DAAM1: variants seen among roughly 807,000 people sequenced by gnomAD.
DAAM1 encodes disheveled-associated activator of morphogenesis 1.
In DAAM1, 52 loss-of-function variants were observed where a neutral mutation model predicts 130.0. That is an observed-to-expected ratio of 0.40 (90% CI 0.32 to 0.50). DAAM1 has a LOEUF of 0.50. DAAM1 is among the 20% of genes least tolerant of loss of function. The pLI is 0.61. For synonymous variants in DAAM1, 452 were observed against 444.5 expected (o/e 1.02, Z -0.21); for missense variants, 1,134 against 1,303.8 (o/e 0.87, Z 2.01).
chr14:59,360,933 G>A, intron 22 of DAAM1, 71 bp downstream of exon 22: 1 of 1,405,850 alleles, frequency 7.1e-7, no homozygotes. Context: ...GTTTTCAGCA[G>A]ATGGGTTGTG....
chr14:59,287,826 T>C (rs1013280692), intron 2 of DAAM1, among the ~76,000 whole-genome samples: 1 of 152,174 alleles, frequency 6.6e-6, no homozygotes, highest in Admixed American at 6.6e-5. Flanking sequence ...GAATCAATAT[T>C]GTTAAAATGA....
intron 15 of DAAM1, chr14:59,338,276 C>T (rs1327008038): frequency 2.7e-6 from 3 of 1,094,496 alleles, no homozygotes; most frequent in Non-Finnish European, 4.2e-6. Flanking sequence ...CATCTCTTAC[C>T]CTACATCACT....
chr14:59,189,546 G>T (rs1887663625), intron 1 of DAAM1, among the ~76,000 whole-genome samples: 1 of 152,116 alleles, frequency 6.6e-6, no homozygotes, highest in Non-Finnish European at 1.5e-5. Context: ...AGAGCACCTG[G>T]GCTGGGGCGA....
chr14:59,226,947 G>A (rs757811541), intron 1 of DAAM1, among the ~76,000 whole-genome samples: 1 of 152,144 alleles, frequency 6.6e-6, no homozygotes, highest in Non-Finnish European at 1.5e-5. Context: ...TAGTGCCTCT[G>A]GAGTTGTACA....
At chr14:59,230,318 T>TC (rs1423482957) in intron 1 of DAAM1, among the ~76,000 whole-genome samples, 107 of 144,254 alleles carry the variant, frequency 7.4e-4, no homozygotes, top group African/African-American at 2.4e-3. Flanking sequence ...TTTTTTTTTT[T>TC]CCCCCCACAA....
intron 12 of DAAM1, among the ~76,000 whole-genome samples, chr14:59,329,947 G>T (rs762014635): frequency 8.5e-5 from 13 of 152,218 alleles, no homozygotes; most frequent in Non-Finnish European, 1.6e-4. Context: ...GTAGCCTTCT[G>T]AGGGGAGATG....
At chr14:59,260,971 G>A (rs1456415124) in intron 1 of DAAM1, among the ~76,000 whole-genome samples, 1 of 152,160 alleles carries the variant, frequency 6.6e-6, no homozygotes, top group Admixed American at 6.5e-5. Context: ...TTTTGAGGAA[G>A]TAGGAAAGAC....
intron 15 of DAAM1, among the ~76,000 whole-genome samples, chr14:59,337,883 T>C (rs1688950728): frequency 2.0e-5 from 3 of 152,148 alleles, no homozygotes; most frequent in Admixed American, 2.0e-4. Flanking sequence ...TCTCAATCCT[T>C]CCTTATAACA....
At chr14:59,285,493 T>C (rs1883404955) in intron 2 of DAAM1, among the ~76,000 whole-genome samples, 1 of 152,130 alleles carries the variant, frequency 6.6e-6, no homozygotes, top group African/African-American at 2.4e-5. Context: ...GGAGTAGCAA[T>C]TTGGATAAAG....
intron 1 of DAAM1, among the ~76,000 whole-genome samples, chr14:59,229,054 A>G (rs1242742304): frequency 2.0e-5 from 3 of 152,220 alleles, no homozygotes; most frequent in Non-Finnish European, 2.9e-5. Flanking sequence ...CTGATTAGCA[A>G]GCAAGTATTA....
At chr14:59,251,608 T>A (rs1881645648) in intron 1 of DAAM1, among the ~76,000 whole-genome samples, 1 of 152,192 alleles carries the variant, frequency 6.6e-6, no homozygotes, top group East Asian at 1.9e-4. Context: ...CATACCAACT[T>A]AATGCCTTTA....
chr14:59,252,843 T>C (rs542624638), intron 1 of DAAM1, among the ~76,000 whole-genome samples: 3 of 152,348 alleles, frequency 2.0e-5, no homozygotes, highest in South Asian at 4.1e-4. Flanking sequence ...ATTTAACCTT[T>C]AGACTATGCC....
At chr14:59,364,192 C>A (rs1458149247) in intron 23 of DAAM1, among the ~76,000 whole-genome samples, 1 of 152,186 alleles carries the variant, frequency 6.6e-6, no homozygotes, top group Non-Finnish European at 1.5e-5. Context: ...GTTACTAAAG[C>A]CATGTGCCTA....
intron 20 of DAAM1, 64 bp from the exon 21 acceptor site, chr14:59,359,333 A>G: frequency 2.6e-6 from 3 of 1,173,662 alleles, no homozygotes; most frequent in South Asian, 1.4e-5. Flanking sequence ...AACTATTCAT[A>G]TATTTATGTA....
At chr14:59,283,786 A>G (rs907013667) in intron 2 of DAAM1, among the ~76,000 whole-genome samples, 2 of 152,180 alleles carry the variant, frequency 1.3e-5, no homozygotes, top group African/African-American at 4.8e-5. Flanking sequence ...GGTGTTAACA[A>G]GATACTGTGT....
chr14:59,338,766 C>G (rs1885731387), intron 15 of DAAM1, among the ~76,000 whole-genome samples: 2 of 151,904 alleles, frequency 1.3e-5, no homozygotes, highest in South Asian at 2.1e-4. Context: ...TTTTTTCCTC[C>G]TAATTCCTGA....
intron 1 of DAAM1, among the ~76,000 whole-genome samples, chr14:59,243,822 C>G (rs1031405822): frequency 6.6e-6 from 1 of 152,090 alleles, no homozygotes; most frequent in African/African-American, 2.4e-5. Context: ...AGTAGTTAGT[C>G]CTTCATGGAA....
rs571927974 is a variant in DAAM1, at chr14:59,349,965, C to T, written c.2160+2342C>T. Among the ~76,000 whole-genome samples the T allele has an allele frequency of 3.3e-5, 5 of 152,264 alleles. No homozygotes were observed. The South Asian group carries it at 1.0e-3, about 32-fold the overall frequency. On this transcript the variant is annotated intron_variant, in intron 17 of 24. Coordinates refer to ENST00000360909, the MANE Select transcript of DAAM1 (RefSeq NM_001270520.2). ...AGTGAAAGGATCCTTGAGGCTAGAA[C>T]TCAGTTTCCTTGCCCAATGGGTAAA...
At chr14:59,277,065 T>C (rs1190480215) in intron 2 of DAAM1, among the ~76,000 whole-genome samples, 1 of 152,230 alleles carries the variant, frequency 6.6e-6, no homozygotes, top group South Asian at 2.1e-4. Flanking sequence ...TGAAATCTAT[T>C]GATTAGGTAG....
Sources: allele counts gnomAD v4.1 joint callset (sites outside exome capture counted in the v4.1 genomes callset), GRCh38; gene constraint gnomAD v4.1.1; transcripts MANE v1.5; gene names NCBI Gene and HGNC (gene_info 2026-07-23, HGNC 2026-07-21).